EFCAB6: variants seen among roughly 807,000 people sequenced by gnomAD.
EFCAB6 encodes the protein EF-hand calcium binding domain 6, also known as EF-hand calcium-binding domain-containing protein 6.
Under a neutral mutation model 169.8 loss-of-function variants are expected in EFCAB6, and 156 were observed. The ratio of observed to expected loss-of-function variants is 0.92; its 90% confidence interval spans 0.81 to 1.05. The LOEUF is 1.05. Among genes scored for constraint, EFCAB6 ranks in the 50% least tolerant of loss-of-function variants. The pLI is 0.00. For synonymous variants in EFCAB6, 698 were observed against 676.4 expected, an observed-to-expected ratio of 1.03 and a Z score of -0.50; for missense variants, 1,800 against 1,829.1, an observed-to-expected ratio of 0.98 and a Z score of 0.29.
intron 1 of EFCAB6, among the ~76,000 whole-genome samples, chr22:43,809,401 T>C (rs780062208): frequency 7.9e-5 from 12 of 152,316 alleles, no homozygotes; most frequent in Non-Finnish European, 1.2e-4. Flanking sequence ...TATCACATTG[T>C]AGTTATTCTT....
At chr22:43,777,543 G>A (rs1277454803) in intron 3 of EFCAB6, among the ~76,000 whole-genome samples, 1 of 152,172 alleles carries the variant, frequency 6.6e-6, no homozygotes, top group Non-Finnish European at 1.5e-5. Flanking sequence ...CTCAGAAGCA[G>A]CTGATTCACA....
intron 2 of EFCAB6, chr22:43,802,539 A>T (rs2062762445): frequency 2.9e-6 from 1 of 349,688 alleles, no homozygotes; most frequent in Non-Finnish European, 5.5e-6. Flanking sequence ...TCAAAAAAAA[A>T]AAAAGATAAA....
chr22:43,808,399 G>A (rs912468570), intron 2 of EFCAB6, among the ~76,000 whole-genome samples: 7 of 152,130 alleles, frequency 4.6e-5, no homozygotes, highest in Admixed American at 2.0e-4. Flanking sequence ...ATGGAATCGC[G>A]GTCCATGTGT....
intron 26 of EFCAB6, among the ~76,000 whole-genome samples, chr22:43,570,673 A>C (rs1338591873): frequency 1.4e-5 from 2 of 147,590 alleles, no homozygotes; most frequent in Admixed American, 1.4e-4. Context: ...TTTTGCTTCG[A>C]TGCCTTGTTC....
rs33983375 is a variant in EFCAB6, at chr22:43,725,134, C to CTT, written c.757+6563_757+6564dup. Among the ~76,000 whole-genome samples, 207 of 94,652 alleles carry CTT rather than the reference C, an allele frequency of 2.2e-3. 2 individuals are homozygous for CTT. Among genetic ancestry groups the CTT allele is most frequent in the Non-Finnish European group, 2.7e-3 (133 of 49,300 alleles). The allele number at this position is 94,652 out of a possible 152,430, so 62.1% of individuals were successfully genotyped here. On this transcript the variant is annotated intron_variant, in intron 8 of 31. Transcript: ENST00000262726. ...AGAGGCATGTTGAGAGCCAAACTGG[C>CTT]TTTTTTTTTTTTTTTTTTTTTTTTA...
chr22:43,624,296 C>T (rs6006512), intron 20 of EFCAB6, among the ~76,000 whole-genome samples: 23,039 of 152,098 alleles, frequency 0.15, 1,916 homozygotes, highest in African/African-American at 0.23. Flanking sequence ...TGCAGCCTCT[C>T]CTCCTTTGTG....
chr22:43,716,638 T>A, intron 9 of EFCAB6: 1 of 464,822 alleles, frequency 2.2e-6, no homozygotes, highest in East Asian at 3.5e-5. Context: ...ACAAAGGATG[T>A]ACTTAAAAAT....
At chr22:43,687,424 TATG>T (rs759672101) in intron 11 of EFCAB6, 44 bp downstream of exon 11, 3 of 1,108,338 alleles carry the variant, frequency 2.7e-6, no homozygotes, top group Non-Finnish European at 3.9e-6. Context: ...TTTTACATAT[TATG>T]ATATGTGTAA....
chr22:43,678,222 G>A, intron 12 of EFCAB6, 59 bp from the exon 13 acceptor site: 1 of 1,504,752 alleles, frequency 6.6e-7, no homozygotes, highest in Non-Finnish European at 9.0e-7. Context: ...GGAAGAAAAA[G>A]TGTTATGTAT....
At chr22:43,716,734 ATAGG>A (rs2059343725) in intron 9 of EFCAB6, 110 bp downstream of exon 9, 1 of 1,324,344 alleles carries the variant, frequency 7.6e-7, no homozygotes, top group Non-Finnish European at 1.0e-6. Context: ...TGGAGAAGAC[ATAGG>A]TAGGATCGAA....
intron 19 of EFCAB6, among the ~76,000 whole-genome samples, chr22:43,631,428 G>A (rs1337518199): frequency 6.6e-6 from 1 of 151,886 alleles, no homozygotes; most frequent in Non-Finnish European, 1.5e-5. Flanking sequence ...CAAGCCACAT[G>A]CTTTTCCCCA....
chr22:43,667,549 T>C (rs1193756438), intron 16 of EFCAB6, among the ~76,000 whole-genome samples: 3 of 152,170 alleles, frequency 2.0e-5, no homozygotes, highest in Non-Finnish European at 2.9e-5. Context: ...GAGAATATTA[T>C]GGTCCTCGAG....
At chr22:43,570,880 C>T (rs1240959658) in intron 26 of EFCAB6, among the ~76,000 whole-genome samples, 1 of 152,244 alleles carries the variant, frequency 6.6e-6, no homozygotes, top group Admixed American at 6.5e-5. Context: ...CCCAGGCCTT[C>T]TGCACAGCAA....
At chr22:43,604,716 C>T (rs553427983) in intron 22 of EFCAB6, among the ~76,000 whole-genome samples, 144 of 151,878 alleles carry the variant, frequency 9.5e-4, no homozygotes, top group Middle Eastern at 6.8e-3. Context: ...TTTTTGTCCA[C>T]ACGAGATGCT....
rs751262911 is a variant in EFCAB6 at position 43,632,177 on chromosome 22, G to A, written c.2160C>T (p.Tyr720=). ...PPQPPTPSKS[Y]VNSHFITAEE... ...CTGCGGTGATAAAGTGGCTGTTCAC[G>A]TAACTTTTTGAAGGAGTTGGAGGCT... The change falls in exon 19 of 32, where the codon TAC becomes TAT. Residue 720 remains tyrosine, a synonymous_variant. Transcript: ENST00000262726. The A allele has an allele frequency of 9.3e-6, 15 of 1,614,010 alleles. No homozygotes were observed. The highest frequency in any genetic ancestry group is 4.5e-5 in the East Asian group (2 of 44,896).
At chr22:43,633,580 A>T (rs977002267) in intron 18 of EFCAB6, among the ~76,000 whole-genome samples, 1 of 152,104 alleles carries the variant, frequency 6.6e-6, no homozygotes, top group Non-Finnish European at 1.5e-5. Flanking sequence ...ACAAACAAAC[A>T]AACAAAAAAC....
intron 26 of EFCAB6, among the ~76,000 whole-genome samples, chr22:43,569,684 A>G (rs2049712824): frequency 6.6e-6 from 1 of 152,240 alleles, no homozygotes; most frequent in South Asian, 2.1e-4. Context: ...CCCCCCTGAG[A>G]GTCCAAGTCA....
chr22:43,670,061 T>G (rs1245219407), intron 15 of EFCAB6, among the ~76,000 whole-genome samples: 2 of 152,210 alleles, frequency 1.3e-5, no homozygotes, highest in Non-Finnish European at 2.9e-5. Context: ...TTTTCAGTGA[T>G]TAACTCAGTT....
intron 9 of EFCAB6, 116 bp from the exon 10 acceptor site, chr22:43,711,739 A>G (rs2059167908): frequency 2.4e-6 from 3 of 1,262,956 alleles, no homozygotes; most frequent in East Asian, 5.4e-5. Flanking sequence ...AAACTGATCA[A>G]AAAGGTTACT....
Sources: gnomAD v4.1 joint callset for allele counts (sites outside exome capture counted in the v4.1 genomes callset) on GRCh38, gnomAD v4.1.1 for gene constraint, MANE v1.5 for transcripts, NCBI Gene and HGNC (gene_info 2026-07-23, HGNC 2026-07-21) for gene names.